Variants in LAMA3 observed in about 807,000 individuals in gnomAD.
LAMA3 encodes laminin subunit alpha-3.
Under a neutral mutation model 402.0 loss-of-function variants are expected in LAMA3, and 281 were observed. That is an observed-to-expected ratio of 0.70 (90% confidence interval 0.63 to 0.77). The LOEUF is 0.77. Ranked by LOEUF, LAMA3 falls within the 30% of genes least tolerant of loss-of-function variation. The probability of loss-of-function intolerance (pLI) is 0.00; values close to 1 mark genes in which losing one functional copy is unlikely to be tolerated. For synonymous variants in LAMA3, 1,431 were observed against 1,558.4 expected (o/e 0.92, Z 1.93); for missense variants, 3,840 against 4,215.5 (o/e 0.91, Z 2.47).
At chr18:23,911,133 G>A (rs1030189948) in intron 55 of LAMA3, among the ~76,000 whole-genome samples, 2 of 151,630 alleles carry the variant, frequency 1.3e-5, no homozygotes, top group African/African-American at 4.9e-5. Flanking sequence ...TTTGCCAGGT[G>A]ACAAAAAGCA....
intron 30 of LAMA3, 33 bp from the exon 31 acceptor site, chr18:23,846,264 A>C (rs1356638026): frequency 2.1e-5 from 34 of 1,606,884 alleles, no homozygotes; most frequent in Non-Finnish European, 2.8e-5. Flanking sequence ...ACACCTCCCC[A>C]GGCATCACCA....
intron 40 of LAMA3, 90 bp downstream of exon 40, chr18:23,882,135 G>T: frequency 1.3e-6 from 1 of 792,070 alleles, no homozygotes. Context: ...TGGGGAGAAT[G>T]GGAAGTGATT....
intron 12 of LAMA3, among the ~76,000 whole-genome samples, chr18:23,796,557 G>A (rs1226714390): frequency 6.6e-6 from 1 of 152,176 alleles, no homozygotes; most frequent in Non-Finnish European, 1.5e-5. Context: ...TCTAACTGTA[G>A]CATTCTTTTC....
Position 23,905,606 on chromosome 18 carries a change from C to A in LAMA3, c.6700C>A (p.Gln2234Lys), listed in dbSNP as rs774924039. The change falls in exon 52 of 75, where the codon CAA (glutamine) becomes AAA (lysine). Residue 2234 changes from glutamine (Q) to lysine (K), a missense_variant. Physicochemically the swap from Gln to Lys is moderately conservative, Grantham distance 53 (BLOSUM62 1). Around this residue, in one of 3 missense-constraint regions of LAMA3, gnomAD observed 891 missense variants for 857.5 expected, o/e 1.04. Coordinates refer to ENST00000313654, the MANE Select transcript of LAMA3 (RefSeq NM_198129.4). Reference protein sequence around the residue: ...DKLLNEAKMTQKKLKQEVSPA... With the variant: ...DKLLNEAKMTKKKLKQEVSPA... ...ACTGTTAAATGAAGCCAAGATGACA[C>A]AAAAGAAGCTAAAGCAAGGTATTAG... is the stretch of plus-strand genomic sequence containing the variant. 144 of 1,606,994 alleles carry A rather than the reference C, an allele frequency of 9.0e-5. No homozygotes were observed. The highest frequency in any genetic ancestry group is 1.2e-4 in the Non-Finnish European group (137 of 1,174,136).
chr18:23,937,760 A>AT (rs746143124), intron 67 of LAMA3, among the ~76,000 whole-genome samples: 1 of 152,202 alleles, frequency 6.6e-6, no homozygotes, highest in Non-Finnish European at 1.5e-5. Flanking sequence ...TTTGGCTGAT[A>AT]TAAGTAACTC....
chr18:23,950,716 G>A (rs778692321), intron 72 of LAMA3, among the ~76,000 whole-genome samples: 6 of 152,100 alleles, frequency 3.9e-5, no homozygotes, highest in Non-Finnish European at 8.8e-5. Context: ...TTTCATCTCC[G>A]TCCTTCCACA....
intron 48 of LAMA3, 145 bp downstream of exon 48, chr18:23,901,468 C>A: frequency 1.4e-6 from 1 of 707,528 alleles, no homozygotes; most frequent in Non-Finnish European, 2.5e-6. Context: ...AGGAACAAAG[C>A]GTTAAGTGCA....
chr18:23,697,554 A>G (rs1484134221), intron 1 of LAMA3, among the ~76,000 whole-genome samples: 1 of 152,114 alleles, frequency 6.6e-6, no homozygotes, highest in Admixed American at 6.5e-5. Context: ...TCATCCAAAA[A>G]TCCAAAATCC....
chr18:23,907,917 A>T lies in LAMA3; in HGVS notation c.6997A>T (p.Thr2333Ser). 6.2e-7 allele frequency: 1 copy of T among 1,613,884 alleles called. No homozygotes were observed. The highest frequency in any genetic ancestry group is 2.2e-5 in the East Asian group (1 of 44,878). Reference protein sequence around the residue: ...TQNEDFKKALTDADNSVNKLT... With the variant: ...TQNEDFKKALSDADNSVNKLT... ...GAACGAAGACTTCAAAAAGGCTCTG[A>T]CTGATGCAGATAACTCGGGTATCAG... The change falls in exon 54 of 75, where the codon ACT (threonine) becomes TCT (serine). Residue 2333 changes from threonine (T) to serine (S), a missense_variant. Physicochemically the swap from Thr to Ser is moderately conservative, Grantham distance 58. This residue lies in a region of LAMA3 where 891 missense variants were observed against 857.5 expected (regional missense o/e 1.04). Transcript: ENST00000313654.
At chr18:23,915,268 G>T (rs1388020272) in intron 58 of LAMA3, 21 bp from the exon 59 acceptor site, 4 of 1,612,038 alleles carry the variant, frequency 2.5e-6, no homozygotes, top group Non-Finnish European at 3.4e-6. Flanking sequence ...ATTGGTGGAA[G>T]ATGTTTTATT....
At chr18:23,812,165 T>A (rs147373787) in intron 13 of LAMA3, among the ~76,000 whole-genome samples, 1,952 of 152,182 alleles carry the variant, frequency 0.013, 22 homozygotes, top group Non-Finnish European at 0.018. Flanking sequence ...GAGCCACCAC[T>A]CCCAGCCTCT....
At chr18:23,742,904 T>C (rs896340526) in intron 2 of LAMA3, among the ~76,000 whole-genome samples, 8 of 152,202 alleles carry the variant, frequency 5.3e-5, no homozygotes, top group African/African-American at 1.9e-4. Flanking sequence ...ACTTAGAGTT[T>C]TCTGGCACAG....
At chr18:23,921,171 T>C in intron 61 of LAMA3, 117 bp downstream of exon 61, 1 of 1,176,446 alleles carries the variant, frequency 8.5e-7, no homozygotes, top group Admixed American at 2.0e-5. Flanking sequence ...CTTATGGATG[T>C]TAACTGAGGG....
chr18:23,891,351 A>C (rs983709953), intron 42 of LAMA3, among the ~76,000 whole-genome samples: 1 of 152,212 alleles, frequency 6.6e-6, no homozygotes, highest in Non-Finnish European at 1.5e-5. Flanking sequence ...ATATGAGTTA[A>C]ATTAATGAAA....
In LAMA3 at chr18:23,882,007, C is replaced by A. The variant is rs144191865; in HGVS notation, c.5184C>A (p.His1728Gln). The change falls in exon 40 of 75, where the codon CAC becomes CAA. Residue 1728 changes from histidine (H) to glutamine (Q), a missense_variant. Transcript: ENST00000313654. The stretch of plus-strand genomic sequence containing the variant: ...AGGGCTACTATGGCAACGCCGTCCA[C>A]GGATCCTGCAGGGCCTGCCCATGTC... ...CQEGYYGNAV[H>Q]GSCRACPCPH... The A allele has an allele frequency of 3.0e-5, 48 of 1,613,770 alleles. No individual in the cohort carries two copies. The highest frequency in any genetic ancestry group is 4.0e-5 in the Non-Finnish European group (47 of 1,179,836).
intron 37 of LAMA3, 130 bp from the exon 38 acceptor site, chr18:23,871,301 C>T (rs540244087): frequency 2.2e-5 from 17 of 756,846 alleles, no homozygotes; most frequent in Non-Finnish European, 3.0e-5. Flanking sequence ...GGTATTTCCC[C>T]GTCTTATTTC....
At chr18:23,943,732 G>C in intron 68 of LAMA3, 56 bp from the exon 69 acceptor site, 1 of 1,542,574 alleles carries the variant, frequency 6.5e-7, no homozygotes, top group Non-Finnish European at 9.0e-7. Flanking sequence ...TCAGTGCTGA[G>C]ATTCGAAGGA....
intron 1 of LAMA3, among the ~76,000 whole-genome samples, chr18:23,703,679 A>G (rs1038427434): frequency 6.6e-6 from 1 of 152,086 alleles, no homozygotes; most frequent in African/African-American, 2.4e-5. Flanking sequence ...GTGTGTTTAA[A>G]TACCTGGAAC....
At chr18:23,905,270 G>A (rs1474844917) in intron 51 of LAMA3, among the ~76,000 whole-genome samples, 1 of 152,116 alleles carries the variant, frequency 6.6e-6, no homozygotes, top group Non-Finnish European at 1.5e-5. Context: ...ATGACAGTGA[G>A]CAGCTAAAAC....
Sources: gnomAD v4.1 joint callset for allele counts (sites outside exome capture counted in the v4.1 genomes callset) on GRCh38, gnomAD v4.1.1 for gene constraint, gnomAD v4.1.1 regional missense constraint, MANE v1.5 for transcripts, NCBI Gene and HGNC (gene_info 2026-07-23, HGNC 2026-07-21) for gene names.